The following C16orf78 variants were observed in gnomAD, a reference collection of about 807,000 sequenced individuals.
The protein encoded by C16orf78 is chromosome 16 open reading frame 78, also known as uncharacterized protein C16orf78.
In C16orf78, 19 loss-of-function variants were observed where a neutral mutation model predicts 27.3. That is an observed-to-expected ratio of 0.70 (90% CI 0.49 to 1.02). The LOEUF (loss-of-function observed/expected upper bound fraction) is 1.02. C16orf78 is among the 50% of genes least tolerant of loss of function. C16orf78 has a pLI of 0.00. For synonymous variants in C16orf78, 130 were observed against 116.1 expected (o/e 1.12, Z -0.77); for missense variants, 339 against 337.0 (o/e 1.01, Z -0.05).
At chr16:49,377,402 G>C (rs27811) in intron 1 of C16orf78, among the ~76,000 whole-genome samples, 6,830 of 152,172 alleles carry the variant, frequency 0.045, 433 homozygotes, top group African/African-American at 0.14. Flanking sequence ...GTCTGAGCTG[G>C]TAAGGCCACA....
chr16:49,396,712 G>T, intron 4 of C16orf78, 34 bp downstream of exon 4: 1 of 1,593,650 alleles, frequency 6.3e-7, no homozygotes. Flanking sequence ...AGATGGGGTG[G>T]GGTCCTGGAA....
intron 3 of C16orf78, among the ~76,000 whole-genome samples, chr16:49,383,368 C>G (rs1965310442): frequency 6.6e-6 from 1 of 152,210 alleles, no homozygotes; most frequent in Non-Finnish European, 1.5e-5. Context: ...TCACATACAC[C>G]ATGCCCAATG....
intron 3 of C16orf78, among the ~76,000 whole-genome samples, chr16:49,389,947 T>G (rs1001203664): frequency 1.3e-5 from 2 of 152,238 alleles, no homozygotes. Context: ...GTGGCTTTGT[T>G]GGTAATAAAT....
At chr16:49,395,923 G>A (rs919285679) in intron 3 of C16orf78, among the ~76,000 whole-genome samples, 1 of 151,798 alleles carries the variant, frequency 6.6e-6, no homozygotes, top group African/African-American at 2.4e-5. Context: ...AAAGGAGGGA[G>A]GGGTAAAAGG....
At chr16:49,385,773 C>T (rs147292445) in intron 3 of C16orf78, among the ~76,000 whole-genome samples, 59 of 151,234 alleles carry the variant, frequency 3.9e-4, no homozygotes, top group African/African-American at 1.4e-3. Context: ...CATTAAATCA[C>T]AAAAGAAGAC....
intron 3 of C16orf78, among the ~76,000 whole-genome samples, chr16:49,394,283 G>A (rs78954939): frequency 0.012 from 1,778 of 151,894 alleles, 43 homozygotes; most frequent in African/African-American, 0.041. Context: ...ATATAAATGC[G>A]AAAATCTAAA....
At chr16:49,391,392 GCA>G (rs1254922202) in intron 3 of C16orf78, among the ~76,000 whole-genome samples, 1 of 152,150 alleles carries the variant, frequency 6.6e-6, no homozygotes, top group African/African-American at 2.4e-5. Flanking sequence ...GTCTCCGCGA[GCA>G]CAGAGTGAGC....
chr16:49,377,153 T>C (rs1338201726), intron 1 of C16orf78, among the ~76,000 whole-genome samples: 1 of 152,102 alleles, frequency 6.6e-6, no homozygotes, highest in Non-Finnish European at 1.5e-5. Flanking sequence ...CACAGGGAAC[T>C]CCATTCAGGG....
chr16:49,384,097 C>A (rs1596924156), intron 3 of C16orf78, among the ~76,000 whole-genome samples: 1 of 152,060 alleles, frequency 6.6e-6, no homozygotes, highest in East Asian at 1.9e-4. Context: ...ACCTTTAATA[C>A]CAGCACTTTG....
rs753457102 is a variant in C16orf78, at chr16:49,399,324, C to A, written c.*46C>A. On this transcript the variant is annotated 3_prime_UTR_variant, in exon 5 of 5. Transcript: ENST00000299191. Reference sequence around the variant, plus strand: ...CTTCAGGCTCCTTCTGTCATGGGACCCTTCACCTCCAGATGCCATCCTCTG... The same window carrying A: ...CTTCAGGCTCCTTCTGTCATGGGACACTTCACCTCCAGATGCCATCCTCTG... 4.4e-6 allele frequency: 7 copies of A among 1,603,214 alleles called. No individual in the cohort carries two copies. The highest frequency in any genetic ancestry group is 6.0e-6 in the Non-Finnish European group (7 of 1,173,304).
chr16:49,395,129 C>G lies in C16orf78; in HGVS notation c.395-1294C>G, dbSNP rs148140125. 7.8e-4 allele frequency among the ~76,000 whole-genome samples: 118 copies of G among 152,250 alleles called. 4 individuals are homozygous for G. The East Asian group carries it at 0.016, about 21-fold the overall frequency. ...CCCAGGCTGATCTTGAACTCCTGGG[C>G]TCAAATGGTCCACCTGCCTCACCTC... On this transcript the variant is annotated intron_variant, in intron 3 of 4. Transcript: ENST00000299191.
chr16:49,377,650 G>A (rs1237717726), intron 1 of C16orf78, 81 bp from the exon 2 acceptor site: 11 of 1,526,324 alleles, frequency 7.2e-6, no homozygotes, highest in Non-Finnish European at 9.7e-6. Context: ...CCCCTCACCT[G>A]GGAGCCTTCT....
At chr16:49,389,616 T>A (rs1965389517) in intron 3 of C16orf78, among the ~76,000 whole-genome samples, 1 of 152,074 alleles carries the variant, frequency 6.6e-6, no homozygotes, top group Non-Finnish European at 1.5e-5. Flanking sequence ...AATAATAATT[T>A]TAGTGATTCT....
intron 4 of C16orf78, among the ~76,000 whole-genome samples, chr16:49,397,690 A>G (rs1965490977): frequency 6.6e-6 from 1 of 152,136 alleles, no homozygotes; most frequent in Non-Finnish European, 1.5e-5. Flanking sequence ...CTCCAAAGAG[A>G]GGGAAAGAAT....
At chr16:49,376,096 G>A (rs1965213463) in intron 1 of C16orf78, among the ~76,000 whole-genome samples, 1 of 152,168 alleles carries the variant, frequency 6.6e-6, no homozygotes, top group African/African-American at 2.4e-5. Flanking sequence ...ATGTGTGCTG[G>A]CAGGTCTCCG....
intron 1 of C16orf78, among the ~76,000 whole-genome samples, chr16:49,375,462 G>T (rs1208288844): frequency 6.6e-6 from 1 of 152,194 alleles, no homozygotes; most frequent in Admixed American, 6.5e-5. Flanking sequence ...CACTTCACAT[G>T]GCAAGAGCAA....
intron 3 of C16orf78, among the ~76,000 whole-genome samples, chr16:49,384,774 G>A (rs1965327854): frequency 6.6e-6 from 1 of 152,164 alleles, no homozygotes; most frequent in African/African-American, 2.4e-5. Flanking sequence ...CAAAGACAAT[G>A]AAAGAATTTT....
At chr16:49,380,242 A>C (rs1366025263) in intron 3 of C16orf78, among the ~76,000 whole-genome samples, 1 of 152,096 alleles carries the variant, frequency 6.6e-6, no homozygotes, top group Non-Finnish European at 1.5e-5. Context: ...CTACTGTGGG[A>C]CCTCACCTTG....
chr16:49,375,405 G>A (rs377550581), intron 1 of C16orf78, among the ~76,000 whole-genome samples: 1 of 152,170 alleles, frequency 6.6e-6, no homozygotes, highest in Admixed American at 6.5e-5. Context: ...CTTCTGGGGA[G>A]GTCTCAGGAA....
Sources: gnomAD v4.1 joint callset for allele counts (sites outside exome capture counted in the v4.1 genomes callset) on GRCh38, gnomAD v4.1.1 for gene constraint, MANE v1.5 for transcripts, NCBI Gene and HGNC (gene_info 2026-07-23, HGNC 2026-07-21) for gene names.